Variants in ARB2A observed in about 807,000 individuals in gnomAD.
ARB2A encodes cotranscriptional regulator ARB2A.
chr5:93,845,288 A>G, the ARB2A span, among the ~76,000 whole-genome samples: 1 of 152,328 alleles, frequency 6.6e-6, no homozygotes, highest in African/African-American at 2.4e-5. Context: ...AATAAACAAC[A>G]TGCTATTTAG....
At chr5:93,667,057 G>C in the ARB2A span, among the ~76,000 whole-genome samples, 2 of 152,142 alleles carry the variant, frequency 1.3e-5, no homozygotes, top group Non-Finnish European at 2.9e-5. Context: ...AAAATAATAA[G>C]AGTGGTAGGA....
the ARB2A span, among the ~76,000 whole-genome samples, chr5:93,807,827 A>C: frequency 6.6e-6 from 1 of 152,004 alleles, no homozygotes; most frequent in African/African-American, 2.4e-5. Flanking sequence ...GGGGGAAAAA[A>C]AAGCAATACT....
At chr5:94,066,661 C>G in the ARB2A span, among the ~76,000 whole-genome samples, 1 of 152,110 alleles carries the variant, frequency 6.6e-6, no homozygotes, top group African/African-American at 2.4e-5. Flanking sequence ...CTGAACAGAC[C>G]AGTTGTGAGT....
the ARB2A span, among the ~76,000 whole-genome samples, chr5:93,779,307 C>A: frequency 6.6e-6 from 1 of 152,076 alleles, no homozygotes; most frequent in Admixed American, 6.6e-5. Context: ...GTTATTTTAT[C>A]AAATCTAACT....
chr5:93,675,394 T>G, the ARB2A span, among the ~76,000 whole-genome samples: 460 of 152,340 alleles, frequency 3.0e-3, 1 homozygote, highest in Non-Finnish European at 5.5e-3. Flanking sequence ...TGATATGAAT[T>G]GGCTTTATGT....
chr5:93,762,943 G>C, the ARB2A span, among the ~76,000 whole-genome samples: 1 of 152,052 alleles, frequency 6.6e-6, no homozygotes, highest in Non-Finnish European at 1.5e-5. Context: ...TTCATATCCA[G>C]CCAAACTAAG....
At chr5:93,799,072 AT>A in the ARB2A span, among the ~76,000 whole-genome samples, 1 of 152,116 alleles carries the variant, frequency 6.6e-6, no homozygotes, top group South Asian at 2.1e-4. Flanking sequence ...TTTGTCAGAA[AT>A]TATGTCAAAT....
chr5:94,078,485 C>A, the ARB2A span, among the ~76,000 whole-genome samples: 3 of 152,152 alleles, frequency 2.0e-5, no homozygotes, highest in Admixed American at 2.0e-4. Flanking sequence ...TATTCTGAGG[C>A]TGCAGTGAGA....
At chr5:93,634,978 TGGCCA>T in the ARB2A span, among the ~76,000 whole-genome samples, 682 of 152,278 alleles carry the variant, frequency 4.5e-3, 5 homozygotes, top group African/African-American at 0.015. Flanking sequence ...TTCACCATGT[TGGCCA>T]GGCTGCTCTC....
the ARB2A span, among the ~76,000 whole-genome samples, chr5:93,666,120 A>C: frequency 6.6e-6 from 1 of 152,224 alleles, no homozygotes; most frequent in Admixed American, 6.5e-5. Flanking sequence ...ATCCTATTCA[A>C]AACAGGTAGT....
At chr5:94,087,526 T>C in the ARB2A span, among the ~76,000 whole-genome samples, 1 of 152,250 alleles carries the variant, frequency 6.6e-6, no homozygotes, top group Non-Finnish European at 1.5e-5. Flanking sequence ...AGTAAAAAAG[T>C]TACAGTAAGC....
chr5:93,665,786 G>A, the ARB2A span, among the ~76,000 whole-genome samples: 5 of 152,244 alleles, frequency 3.3e-5, no homozygotes, highest in Non-Finnish European at 7.4e-5. Flanking sequence ...AAACCTGCAC[G>A]TACTGAGCCC....
chr5:93,921,651 A>C, the ARB2A span, among the ~76,000 whole-genome samples: 1 of 152,194 alleles, frequency 6.6e-6, no homozygotes, highest in East Asian at 1.9e-4. Context: ...CCAGAATTTA[A>C]GGCAGGAAGG....
the ARB2A span, among the ~76,000 whole-genome samples, chr5:93,823,901 G>A: frequency 6.6e-6 from 1 of 152,106 alleles, no homozygotes; most frequent in Non-Finnish European, 1.5e-5. Context: ...GTTGCAGCGA[G>A]CTGAGATGGT....
the ARB2A span, among the ~76,000 whole-genome samples, chr5:93,757,519 A>G: frequency 1.3e-5 from 2 of 152,222 alleles, no homozygotes; most frequent in Admixed American, 1.3e-4. Flanking sequence ...TATCAGATTA[A>G]CAGCAGATTT....
the ARB2A span, among the ~76,000 whole-genome samples, chr5:94,049,721 T>C: frequency 2.0e-5 from 3 of 152,106 alleles, no homozygotes; most frequent in Admixed American, 2.0e-4. Context: ...ACTCAGAGAC[T>C]GAGGCACGAG....
At chr5:93,715,717 T>C in the ARB2A span, among the ~76,000 whole-genome samples, 2 of 151,756 alleles carry the variant, frequency 1.3e-5, no homozygotes, top group Non-Finnish European at 2.9e-5. Flanking sequence ...GACTTGTTCC[T>C]AATAAATTTG....
the ARB2A span, among the ~76,000 whole-genome samples, chr5:94,068,244 T>C: frequency 6.6e-6 from 1 of 152,166 alleles, no homozygotes; most frequent in Non-Finnish European, 1.5e-5. Context: ...TTCAGCTCAA[T>C]TAGGACAAAC....
At chr5:94,040,279 C>A in the ARB2A span, among the ~76,000 whole-genome samples, 1 of 152,098 alleles carries the variant, frequency 6.6e-6, no homozygotes, top group Non-Finnish European at 1.5e-5. Flanking sequence ...TTTTTCCTCC[C>A]TAAAAGGGGA....
Sources: allele counts gnomAD v4.1 joint callset (sites outside exome capture counted in the v4.1 genomes callset), GRCh38; gene constraint gnomAD v4.1.1; transcripts MANE v1.5; gene names NCBI Gene and HGNC (gene_info 2026-07-23, HGNC 2026-07-21).